Variants in TG observed in about 807,000 individuals in gnomAD.
TG encodes thyroglobulin, also known as thyroid hormones.
Under a neutral mutation model 324.7 loss-of-function variants are expected in TG, and 270 were observed. That is an observed-to-expected ratio of 0.83 (90% CI 0.75 to 0.92). TG has a LOEUF of 0.92. TG is among the 40% of genes least tolerant of loss of function. The probability of loss-of-function intolerance (pLI) is 0.00; values close to 1 mark genes in which losing one functional copy is unlikely to be tolerated. For synonymous variants in TG, 1,401 were observed against 1,327.0 expected, an observed-to-expected ratio of 1.06 and a Z score of -1.21; for missense variants, 3,591 against 3,456.4, an observed-to-expected ratio of 1.04 and a Z score of -0.98.
At chr8:132,969,910 C>CAAAAA (rs11335158) in intron 32 of TG, among the ~76,000 whole-genome samples, 5 of 58,044 alleles carry the variant, frequency 8.6e-5, no homozygotes, top group Non-Finnish European at 1.2e-4. Context: ...GAGACTCTGT[C>CAAAAA]AAAAAAAAAA....
At chr8:132,997,010 T>C (rs1340947466) in intron 35 of TG, among the ~76,000 whole-genome samples, 1 of 152,180 alleles carries the variant, frequency 6.6e-6, no homozygotes, top group Non-Finnish European at 1.5e-5. Flanking sequence ...ACGTTTTTTG[T>C]TTGTTTGTTT....
intron 43 of TG, among the ~76,000 whole-genome samples, chr8:133,105,869 G>A (rs143953236): frequency 2.0e-5 from 3 of 152,130 alleles, no homozygotes; most frequent in African/African-American, 7.2e-5. Flanking sequence ...GGGGGATGGG[G>A]CGTCTACTGG....
chr8:132,987,796 T>C (rs565045386), intron 35 of TG, among the ~76,000 whole-genome samples: 6 of 152,162 alleles, frequency 3.9e-5, no homozygotes, highest in African/African-American at 1.2e-4. Flanking sequence ...ATTCTTTGCA[T>C]ATGCAAACCA....
chr8:132,898,047 C>T (rs1587307039), intron 12 of TG, 122 bp from the exon 13 acceptor site: 2 of 1,030,634 alleles, frequency 1.9e-6, no homozygotes, highest in East Asian at 5.2e-5. Flanking sequence ...GGGGTCTAGA[C>T]TGGGGACAGA....
At chr8:133,094,846 C>A in intron 41 of TG, 198 bp from the exon 42 acceptor site, 1 of 700,040 alleles carries the variant, frequency 1.4e-6, no homozygotes, top group Non-Finnish European at 2.5e-6. Context: ...CCTAGAGAGA[C>A]ATCTTCAGTA....
In TG at chr8:133,038,560, G is replaced by T. The variant is rs543907111; in HGVS notation, c.7239+8537G>T. 17 of 1,613,902 alleles carry T rather than the reference G, an allele frequency of 1.1e-5. 1 individual carries two copies. In the South Asian group the frequency reaches 1.8e-4, roughly 17 times the overall value. ...AGTAAGGTGGTGATGAGAAGAATGA[G>T]CTCTTTCTCTTGCTGCCACCATACA... On this transcript the variant is annotated intron_variant, in intron 41 of 47. Transcript: ENST00000220616.
chr8:132,900,544 C>G (rs181629407), intron 15 of TG, among the ~76,000 whole-genome samples: 2 of 152,170 alleles, frequency 1.3e-5, no homozygotes, highest in African/African-American at 4.8e-5. Flanking sequence ...GAGAAGCAAA[C>G]GTGGGAGGGA....
intron 41 of TG, chr8:133,064,221 G>A (rs527966941): frequency 1.2e-4 from 19 of 152,308 alleles, no homozygotes; most frequent in African/African-American, 3.8e-4. Flanking sequence ...TCCAAAGAGC[G>A]AGCCTGATAA....
intron 41 of TG, among the ~76,000 whole-genome samples, chr8:133,031,293 G>A (rs1836618227): frequency 6.6e-6 from 1 of 152,196 alleles, no homozygotes. Flanking sequence ...GCATGTGTCA[G>A]AATTTCTTTC....
At position 132,894,042 on chromosome 8, in the gene TG, A is replaced by C; in HGVS notation, c.3001+113A>C. 5.8e-6 allele frequency: 9 copies of C among 1,547,868 alleles called. No homozygotes were observed. In the South Asian group the frequency reaches 1.0e-4, roughly 18 times the overall value. ...TTTGTGGTTTGGCTTCCCCAGACTG[A>C]TGGGTTCTTGGGAAGGAAAAGGCAA... On this transcript the variant is annotated intron_variant, in intron 11 of 47. Coordinates refer to ENST00000220616, the MANE Select transcript of TG (RefSeq NM_003235.5).
intron 38 of TG, among the ~76,000 whole-genome samples, 156 bp downstream of exon 38, chr8:133,018,153 A>G (rs1244603408): frequency 6.6e-6 from 1 of 152,244 alleles, no homozygotes; most frequent in African/African-American, 2.4e-5. Context: ...AAGTGCTGTG[A>G]CAGATAAACT....
chr8:132,923,325 C>A lies in TG; in HGVS notation c.4529-13C>A, dbSNP rs776579771. 3 of 1,613,860 alleles carry A rather than the reference C, an allele frequency of 1.9e-6. No homozygotes were observed. In the African/African-American group the frequency reaches 4.0e-5, roughly 22 times the overall value. On this transcript the variant is annotated splice_polypyrimidine_tract_variant and intron_variant, in intron 21 of 47. Coordinates refer to ENST00000220616, the MANE Select transcript of TG (RefSeq NM_003235.5). ...GCCCATTATTGACGGCTATGTCAATCTATTGGTTCTAGGTGTCACTGACTG... is the reference window on the plus strand; with the variant it reads ...GCCCATTATTGACGGCTATGTCAATATATTGGTTCTAGGTGTCACTGACTG...
chr8:133,120,377 C>T (rs1851046690), intron 45 of TG, among the ~76,000 whole-genome samples: 1 of 152,144 alleles, frequency 6.6e-6, no homozygotes, highest in Non-Finnish European at 1.5e-5. Flanking sequence ...TGGGCCCTAC[C>T]TGGATCACTT....
intron 19 of TG, among the ~76,000 whole-genome samples, chr8:132,912,206 A>G (rs1006446807): frequency 6.6e-6 from 1 of 152,234 alleles, no homozygotes; most frequent in Non-Finnish European, 1.5e-5. Context: ...ACTAGTTCTC[A>G]GGATAGTAAT....
chr8:132,867,697 C>T (rs1839086035), intron 1 of TG, among the ~76,000 whole-genome samples: 1 of 149,620 alleles, frequency 6.7e-6, no homozygotes, highest in Admixed American at 6.8e-5. Context: ...GTTACATCTG[C>T]AGGGCATGGC....
intron 23 of TG, among the ~76,000 whole-genome samples, chr8:132,932,768 AGGAAGTG>A (rs1822907286): frequency 6.6e-6 from 1 of 152,178 alleles, no homozygotes; most frequent in East Asian, 1.9e-4. Flanking sequence ...CACTCACTGT[AGGAAGTG>A]GGGATTCTAT....
intron 41 of TG, among the ~76,000 whole-genome samples, chr8:133,078,731 C>T (rs1477862459): frequency 6.6e-6 from 1 of 152,210 alleles, no homozygotes; most frequent in African/African-American, 2.4e-5. Context: ...CAGAACAAAA[C>T]AATGTTCATT....
chr8:133,102,184 C>T (rs919494724), intron 43 of TG, among the ~76,000 whole-genome samples: 2 of 152,320 alleles, frequency 1.3e-5, no homozygotes, highest in East Asian at 3.9e-4. Context: ...AGCAGGAATA[C>T]AAAGAACGTC....
At chr8:132,900,958 A>G (rs112258817) in intron 15 of TG, among the ~76,000 whole-genome samples, 9 of 152,164 alleles carry the variant, frequency 5.9e-5, no homozygotes, top group East Asian at 1.9e-4. Flanking sequence ...ATGTCCGTCT[A>G]TCCCCTCCCC....
Sources: gnomAD v4.1 joint callset for allele counts (sites outside exome capture counted in the v4.1 genomes callset) on GRCh38, gnomAD v4.1.1 for gene constraint, MANE v1.5 for transcripts, NCBI Gene and HGNC (gene_info 2026-07-23, HGNC 2026-07-21) for gene names.